The following NUP98 variants were observed in gnomAD, a reference collection of about 807,000 sequenced individuals.
NUP98 encodes nuclear pore complex protein Nup98-Nup96.
In NUP98, 26 loss-of-function variants were observed where a neutral mutation model predicts 191.9. That is an observed-to-expected ratio of 0.14 (90% CI 0.10 to 0.19). The LOEUF (loss-of-function observed/expected upper bound fraction) is 0.19, where lower values mean the gene tolerates loss of function less well. Among genes scored for constraint, NUP98 ranks in the 10% least tolerant of loss-of-function variants. The pLI is 1.00. For missense variants in NUP98, 1,941 were observed against 2,178.8 expected (o/e 0.89, Z 2.17); for synonymous variants, 808 against 778.4 (o/e 1.04, Z -0.63).
At chr11:3,771,726 T>G in intron 7 of NUP98, 22 bp downstream of exon 7, 1 of 1,607,942 alleles carries the variant, frequency 6.2e-7, no homozygotes, top group Non-Finnish European at 8.5e-7. Context: ...CAGTATAATC[T>G]AACATGATAT....
chr11:3,686,437 T>TGGTTTGGCGTATGTATTTTACCA (rs1397969849), intron 28 of NUP98, among the ~76,000 whole-genome samples: 1 of 152,230 alleles, frequency 6.6e-6, no homozygotes, highest in African/African-American at 2.4e-5. Context: ...TTGCTGGTAA[T>TGGTTTGGCGTATGTATTTTACCA]GGTTTGGCGT....
At chr11:3,712,846 G>A (rs2079061560) in intron 19 of NUP98, 118 bp from the exon 20 acceptor site, 1 of 1,032,648 alleles carries the variant, frequency 9.7e-7, no homozygotes, top group Non-Finnish European at 1.4e-6. Context: ...AAATATCTAA[G>A]TATTTAAAGC....
chr11:3,765,677 T>TGA (rs2081312733), intron 8 of NUP98, among the ~76,000 whole-genome samples: 1 of 151,968 alleles, frequency 6.6e-6, no homozygotes, highest in African/African-American at 2.4e-5. Context: ...GGCGCACACC[T>TGA]GTAATCCCAG....
intron 25 of NUP98, 143 bp downstream of exon 25, chr11:3,698,939 G>A (rs2078595730): frequency 3.4e-6 from 3 of 877,370 alleles, no homozygotes; most frequent in Non-Finnish European, 5.4e-6. Flanking sequence ...TATTCCACGG[G>A]AACCAGCAAT....
At chr11:3,755,545 G>C (rs771838150) in intron 10 of NUP98, among the ~76,000 whole-genome samples, 6 of 152,106 alleles carry the variant, frequency 3.9e-5, no homozygotes, top group Non-Finnish European at 8.8e-5. Flanking sequence ...TAGAACAGAT[G>C]AAAGTATCAC....
chr11:3,740,185 G>A (rs2080228623), intron 12 of NUP98, among the ~76,000 whole-genome samples: 1 of 152,080 alleles, frequency 6.6e-6, no homozygotes, highest in South Asian at 2.1e-4. Flanking sequence ...GTTTGATGAA[G>A]TAGAATTGAA....
chr11:3,695,800 G>C (rs1213886617), intron 25 of NUP98, among the ~76,000 whole-genome samples, 194 bp from the exon 26 acceptor site: 5 of 152,078 alleles, frequency 3.3e-5, no homozygotes, highest in African/African-American at 4.8e-5. Flanking sequence ...TTGCAAAGTA[G>C]TTTAACCTAA....
rs770117198 is a variant in NUP98 at position 3,686,043 on chromosome 11, C to T, written c.4606G>A (p.Ala1536Thr). 4 of 1,614,160 alleles carry T rather than the reference C, an allele frequency of 2.5e-6. No individual in the cohort carries two copies. Among genetic ancestry groups the T allele is most frequent in the Admixed American group, 3.3e-5 (2 of 60,014 alleles). The change falls in exon 29 of 33, where the codon GCT (alanine) becomes ACT (threonine). Residue 1536 changes from alanine (A) to threonine (T), a missense_variant. Around this residue, in one of 6 missense-constraint regions of NUP98, gnomAD observed 1,030 missense variants for 1,115.8 expected, o/e 0.92. Transcript: ENST00000324932. The stretch of plus-strand genomic sequence containing the variant: ...AGCCCCTCACTTTCAAGCTGGCCAG[C>T]GTAACTGGCCTGTAGCACACCTTCA... ...QCEGVLQASYAGQLESEGLWE... is the reference protein window; with the variant it reads ...QCEGVLQASYTGQLESEGLWE...
intron 1 of NUP98, among the ~76,000 whole-genome samples, chr11:3,791,044 C>A (rs562601034): frequency 6.6e-6 from 1 of 151,782 alleles, no homozygotes; most frequent in Non-Finnish European, 1.5e-5. Flanking sequence ...TACAGGCGCC[C>A]GCCACCACGC....
chr11:3,792,895 G>T (rs1010609526), intron 1 of NUP98, among the ~76,000 whole-genome samples: 2 of 151,942 alleles, frequency 1.3e-5, no homozygotes, highest in African/African-American at 4.8e-5. Flanking sequence ...AAGGCAGGCG[G>T]ATCACTTGAG....
Position 3,753,416 on chromosome 11 carries a change from G to A in NUP98, c.1175-8C>T. On this transcript the variant is annotated splice_polypyrimidine_tract_variant and splice_region_variant and intron_variant, in intron 10 of 32. Coordinates refer to ENST00000324932, the MANE Select transcript of NUP98 (RefSeq NM_016320.5). ...TGGTATTTGTGCCAAAACCTAGGAA[G>A]ACAAAAGAATGAGTGGATTGTACTT... The A allele has an allele frequency of 6.2e-7, 1 of 1,607,188 alleles. No individual in the cohort carries two copies. The highest frequency in any genetic ancestry group is 2.2e-5 in the East Asian group (1 of 44,822).
chr11:3,777,172 CA>C (rs2081762226), intron 4 of NUP98, among the ~76,000 whole-genome samples: 1 of 152,128 alleles, frequency 6.6e-6, no homozygotes, highest in African/African-American at 2.4e-5. Flanking sequence ...GAAAAATTAG[CA>C]GCCACTGTCA....
intron 20 of NUP98, among the ~76,000 whole-genome samples, chr11:3,711,295 C>A (rs888587143): frequency 3.3e-5 from 5 of 152,064 alleles, no homozygotes; most frequent in Admixed American, 1.3e-4. Context: ...TTTGCTAGAA[C>A]CTTGATCTGA....
intron 23 of NUP98, among the ~76,000 whole-genome samples, chr11:3,702,139 G>A (rs1048909246): frequency 6.6e-6 from 1 of 151,956 alleles, no homozygotes; most frequent in Admixed American, 6.6e-5. Flanking sequence ...TCAGGAGGCT[G>A]AGGCAGGAGA....
At chr11:3,759,037 A>G (rs570348914) in intron 10 of NUP98, among the ~76,000 whole-genome samples, 1 of 152,322 alleles carries the variant, frequency 6.6e-6, no homozygotes, top group East Asian at 1.9e-4. Flanking sequence ...TAATCTTCCA[A>G]TAGATGTTTA....
At chr11:3,768,388 T>C (rs1432914179) in intron 8 of NUP98, among the ~76,000 whole-genome samples, 193 bp downstream of exon 8, 1 of 146,594 alleles carries the variant, frequency 6.8e-6, no homozygotes, top group Non-Finnish European at 1.5e-5. Context: ...GCCACTGCAC[T>C]ACAGCCTGGG....
intron 1 of NUP98, among the ~76,000 whole-genome samples, chr11:3,784,887 A>T (rs918227379): frequency 1.5e-4 from 23 of 152,168 alleles, no homozygotes; most frequent in Admixed American, 5.2e-4. Context: ...CTGTAATTCC[A>T]ACACTTTGGG....
chr11:3,728,390 G>A, intron 14 of NUP98, among the ~76,000 whole-genome samples: 1 of 152,208 alleles, frequency 6.6e-6, no homozygotes, highest in African/African-American at 2.4e-5. Context: ...GCTTCAAAAT[G>A]ACCACTGTGA....
At chr11:3,693,043 C>A in intron 27 of NUP98, 189 bp downstream of exon 27, 1 of 559,564 alleles carries the variant, frequency 1.8e-6, no homozygotes, top group Non-Finnish European at 3.1e-6. Flanking sequence ...GGCAGGAAAA[C>A]AGCAGTGAGA....
Sources: allele counts gnomAD v4.1 joint callset (sites outside exome capture counted in the v4.1 genomes callset), GRCh38; gene constraint gnomAD v4.1.1; regional missense constraint gnomAD v4.1.1; transcripts MANE v1.5; gene names NCBI Gene and HGNC (gene_info 2026-07-23, HGNC 2026-07-21).